Variants in CXCL14 observed in about 807,000 individuals in gnomAD.
The protein encoded by CXCL14 is C-X-C motif chemokine 14.
Under a neutral mutation model 16.1 loss-of-function variants are expected in CXCL14, and 9 were observed. The observed-to-expected ratio is 0.56, with a 90% CI of 0.34 to 0.97. The LOEUF (loss-of-function observed/expected upper bound fraction) is 0.97, where lower values mean the gene tolerates loss of function less well. CXCL14 is among the 50% of genes least tolerant of loss of function. The pLI, the probability that CXCL14 is intolerant of heterozygous loss-of-function variation, is 0.02. For synonymous variants in CXCL14, 55 were observed against 52.8 expected (o/e 1.04, Z -0.18); for missense variants, 111 against 132.5 (o/e 0.84, Z 0.80).
Position 135,571,842 on chromosome 5 carries a change from G to A in CXCL14, c.*11C>T, listed in dbSNP as rs1398427241. On this transcript the variant is annotated 3_prime_UTR_variant, in exon 4 of 4. Transcript: ENST00000512158. ...ACTGGTTTGGAGTTTTCCCTTCTGA[G>A]GTTTTTCACCCTATTCTTCGTAGAC... The A allele has an allele frequency of 6.7e-7, 1 of 1,491,828 alleles. No individual in the cohort carries two copies. Among genetic ancestry groups the A allele is most frequent in the Non-Finnish European group, 9.0e-7 (1 of 1,108,796 alleles). The allele number at this position is 1,491,828 out of a possible 1,614,324, so 92.4% of individuals were successfully genotyped here. A position where few individuals can be genotyped will look rare whatever the true frequency, so the allele number is the denominator to read the frequency against.
At position 135,571,552 on chromosome 5, in the gene CXCL14, A is replaced by G; in HGVS notation, c.*301T>C. On this transcript the variant is annotated 3_prime_UTR_variant, in exon 4 of 4. Transcript: ENST00000512158. Reference sequence around the variant, plus strand: ...GGACAAATACAAAAAAGCATTTTTTAAAAAGGAAAGGCATGAGTTTTCCCC... The same window carrying G: ...GGACAAATACAAAAAAGCATTTTTTGAAAAGGAAAGGCATGAGTTTTCCCC... 1 of 404,786 alleles carries G rather than the reference A, an allele frequency of 2.5e-6. No homozygotes were observed. Among genetic ancestry groups the G allele is most frequent in the Non-Finnish European group, 4.4e-6 (1 of 229,136 alleles). The allele number at this position is 404,786 out of a possible 1,614,324, so 25.1% of individuals were successfully genotyped here.
At position 135,578,881 on chromosome 5, in the gene CXCL14, G is replaced by C; in HGVS notation, c.-103C>G. On this transcript the variant is annotated 5_prime_UTR_variant, in exon 1 of 4. Transcript: ENST00000512158. Reference sequence around the variant, plus strand: ...CACCCAGCTCTGCTCGGCTTTCTCTGCCCGGGGCGCGCCTTCCGGCTCTGC... The same window carrying C: ...CACCCAGCTCTGCTCGGCTTTCTCTCCCCGGGGCGCGCCTTCCGGCTCTGC... 7.9e-7 allele frequency: 1 copy of C among 1,268,038 alleles called. No homozygotes were observed. The allele number at this position is 1,268,038 out of a possible 1,614,324, so 78.5% of individuals were successfully genotyped here.
chr5:135,576,760 C>T (rs1751105051), intron 2 of CXCL14, among the ~76,000 whole-genome samples: 1 of 151,862 alleles, frequency 6.6e-6, no homozygotes, highest in Admixed American at 6.6e-5. Flanking sequence ...GCCCCCACCC[C>T]CAGCCTCAGC....
At chr5:135,575,806 G>C (rs1751088783) in intron 2 of CXCL14, among the ~76,000 whole-genome samples, 1 of 152,234 alleles carries the variant, frequency 6.6e-6, no homozygotes, top group Non-Finnish European at 1.5e-5. Context: ...TTCTTGAGGG[G>C]TCACAGCCAT....
In CXCL14 at chr5:135,574,613, C is replaced by T; in HGVS notation, c.243G>A (p.Lys81=). 1.2e-6 allele frequency: 2 copies of T among 1,613,476 alleles called. No individual in the cohort carries two copies. The highest frequency in any genetic ancestry group is 1.7e-6 in the Non-Finnish European group (2 of 1,179,908). The change falls in exon 3 of 4, where the codon AAG becomes AAA. Residue 81 remains lysine (K), a synonymous_variant. Coordinates refer to ENST00000512158, the MANE Select transcript of CXCL14 (RefSeq NM_004887.5). The stretch of plus-strand genomic sequence containing the variant: ...AGGCGTTGTACCACTTGATGAAGCG[C>T]TTGGTGCTCTGCAGCTTGGGGTGCA... The part of the protein sequence containing the change: ...HCLHPKLQST[K]RFIKWYNAWN...
intron 3 of CXCL14, among the ~76,000 whole-genome samples, chr5:135,573,582 C>T (rs1160424428): frequency 1.3e-5 from 2 of 152,114 alleles, no homozygotes; most frequent in Non-Finnish European, 2.9e-5. Flanking sequence ...GGTTTGCTGT[C>T]CTGGCTTTGC....
At chr5:135,573,132 G>C (rs896604000) in intron 3 of CXCL14, among the ~76,000 whole-genome samples, 7 of 152,140 alleles carry the variant, frequency 4.6e-5, no homozygotes, top group Non-Finnish European at 7.4e-5. Flanking sequence ...GTGAGCTAAA[G>C]GTTTGAGTAT....
rs767599729 is a variant in CXCL14, at chr5:135,576,271, C to G, written c.171-1586G>C. Among the ~76,000 whole-genome samples the G allele has an allele frequency of 1.4e-4, 21 of 152,326 alleles. 1 individual carries two copies. The highest frequency in any genetic ancestry group is 3.4e-3 in the Middle Eastern group (1 of 294). On this transcript the variant is annotated intron_variant, in intron 2 of 3. Coordinates refer to ENST00000512158, the MANE Select transcript of CXCL14 (RefSeq NM_004887.5). ...AGTGAACTCTGGTTGTCTCTCTCCC[C>G]CACTGTGCCCAGTCACCCTGCAGGA...
Position 135,578,915 on chromosome 5 carries a change from G to C in CXCL14, c.-137C>G. Reference sequence around the variant, plus strand: ...GCGCCTTCCGGCTCTGCTGGCTCCGGCTGCGCCGTCGGTGGATGCCCAGGG... The same window carrying C: ...GCGCCTTCCGGCTCTGCTGGCTCCGCCTGCGCCGTCGGTGGATGCCCAGGG... On this transcript the variant is annotated 5_prime_UTR_variant, in exon 1 of 4. Coordinates refer to ENST00000512158, the MANE Select transcript of CXCL14 (RefSeq NM_004887.5). The C allele has an allele frequency of 2.1e-6, 2 of 968,038 alleles. No homozygotes were observed. The highest frequency in any genetic ancestry group is 3.8e-5 in the South Asian group (2 of 52,024). The allele number at this position is 968,038 out of a possible 1,614,324, so 60.0% of individuals were successfully genotyped here.
In CXCL14 at chr5:135,578,551, C is replaced by G. The variant is rs368188288; in HGVS notation, c.65-12G>C. 6.2e-7 allele frequency: 1 copy of G among 1,613,040 alleles called. No homozygotes were observed. Among genetic ancestry groups the G allele is most frequent in the Admixed American group, 1.7e-5 (1 of 60,008 alleles). ...CTTGCATTTGGACCCTGCGAGCGAG[C>G]GCGGGGCAACGGCTTAGTTGCTAGG... On this transcript the variant is annotated splice_polypyrimidine_tract_variant and intron_variant, in intron 1 of 3. Coordinates refer to ENST00000512158, the MANE Select transcript of CXCL14 (RefSeq NM_004887.5).
At chr5:135,578,167 T>C (rs1412809761) in intron 2 of CXCL14, among the ~76,000 whole-genome samples, 2 of 152,112 alleles carry the variant, frequency 1.3e-5, no homozygotes, top group Non-Finnish European at 2.9e-5. Flanking sequence ...TGGCCCATGG[T>C]ACAAATAGGG....
chr5:135,572,769 C>T (rs1751046664), intron 3 of CXCL14, among the ~76,000 whole-genome samples: 1 of 152,218 alleles, frequency 6.6e-6, no homozygotes, highest in Non-Finnish European at 1.5e-5. Context: ...GTGTGGCCCC[C>T]ATGGGCCTGA....
In CXCL14 at chr5:135,571,759, TTTTTTTTTTTTTTTTTTTTTTTTTTTA is replaced by T. The variant is rs1751033206; in HGVS notation, c.*67_*93del. ...AAGAAAGGCTTTTTTTTTTTTTTTTTTTTTTTTTTTTTTTTTTTTTTTTTTTAATCTGCAAAGTCCTTTGCACAAGTC... is the reference window on the plus strand; with the variant it reads ...AAGAAAGGCTTTTTTTTTTTTTTTTTATCTGCAAAGTCCTTTGCACAAGTC... On this transcript the variant is annotated 3_prime_UTR_variant, in exon 4 of 4. Transcript: ENST00000512158. The T allele has an allele frequency of 9.5e-4, 87 of 91,494 alleles. No individual in the cohort carries two copies. The East Asian group carries it at 0.011, about 12-fold the overall frequency. The allele number at this position is 91,494 out of a possible 1,614,324, so 5.7% of individuals were successfully genotyped here.
rs777580933 is a variant in CXCL14 at position 135,574,527 on chromosome 5, C to T, written c.284+45G>A. On this transcript the variant is annotated intron_variant, in intron 3 of 3. Transcript: ENST00000512158. ...GGGTCCCTTCCCATCCTGAGAGCCA[C>T]AGCTGGGTCTGGTGGGAAGGAAGGT... The T allele has an allele frequency of 6.5e-6, 10 of 1,538,272 alleles. No homozygotes were observed. In the South Asian group the frequency reaches 1.1e-4, roughly 18 times the overall value.
chr5:135,573,686 C>A (rs1385127612), intron 3 of CXCL14, among the ~76,000 whole-genome samples: 1 of 151,496 alleles, frequency 6.6e-6, no homozygotes, highest in Middle Eastern at 3.4e-3. Flanking sequence ...GGGGAAGTCA[C>A]CTGCATGGTG....
Position 135,578,550 on chromosome 5 carries a change from G to A in CXCL14, c.65-11C>T. ...ACTTGCATTTGGACCCTGCGAGCGA[G>A]CGCGGGGCAACGGCTTAGTTGCTAG... On this transcript the variant is annotated splice_polypyrimidine_tract_variant and intron_variant, in intron 1 of 3. Coordinates refer to ENST00000512158, the MANE Select transcript of CXCL14 (RefSeq NM_004887.5). The A allele has an allele frequency of 6.2e-7, 1 of 1,613,294 alleles. No individual in the cohort carries two copies. The highest frequency in any genetic ancestry group is 8.5e-7 in the Non-Finnish European group (1 of 1,179,250).
Position 135,576,997 on chromosome 5 carries a change from C to T in CXCL14, c.170+1437G>A, listed in dbSNP as rs550780726. Among the ~76,000 whole-genome samples the T allele has an allele frequency of 1.2e-4, 19 of 152,244 alleles. No individual in the cohort carries two copies. The East Asian group carries it at 3.5e-3, about 28-fold the overall frequency. ...TGGATTGTGTGCTGATCTCCTGAGG[C>T]CCCTGCACGTTTCTACAAGGCTCCG... On this transcript the variant is annotated intron_variant, in intron 2 of 3. Transcript: ENST00000512158.
In CXCL14 at chr5:135,571,853, C is replaced by T. The variant is rs764873513; in HGVS notation, c.300G>A (p.Ter100=). The change falls in exon 4 of 4, where the codon TAG becomes TAA. Residue 100 remains the stop codon, a stop_retained_variant. Coordinates refer to ENST00000512158, the MANE Select transcript of CXCL14 (RefSeq NM_004887.5). ...WNEKRRVYEE[*] ...GTTTTCCCTTCTGAGGTTTTTCACC[C>T]TATTCTTCGTAGACCCTGGGGAGAA... 6.4e-7 allele frequency: 1 copy of T among 1,551,976 alleles called. No homozygotes were observed. Among genetic ancestry groups the T allele is most frequent in the East Asian group, 2.5e-5 (1 of 40,598 alleles).
At position 135,578,377 on chromosome 5, in the gene CXCL14, C is replaced by G. The variant is rs904682667; in HGVS notation, c.170+57G>C. 7 of 1,435,852 alleles carry G rather than the reference C, an allele frequency of 4.9e-6. No individual in the cohort carries two copies. The African/African-American group carries it at 8.4e-5, about 17-fold the overall frequency. The allele number at this position is 1,435,852 out of a possible 1,614,324, so 88.9% of individuals were successfully genotyped here. On this transcript the variant is annotated intron_variant, in intron 2 of 3. Coordinates refer to ENST00000512158, the MANE Select transcript of CXCL14 (RefSeq NM_004887.5). ...AGCCCGACCCAGGCCCAGGCTGTGC[C>G]CTGGCATTGGGTTGACAGCAGTGCG... is the stretch of plus-strand genomic sequence containing the variant.
Sources: gnomAD v4.1 joint callset for allele counts (sites outside exome capture counted in the v4.1 genomes callset) on GRCh38, gnomAD v4.1.1 for gene constraint, MANE v1.5 for transcripts, NCBI Gene and HGNC (gene_info 2026-07-23, HGNC 2026-07-21) for gene names.